Variants in FARP2 observed in about 807,000 individuals in gnomAD.
FARP2 encodes FERM, ARH/RhoGEF and pleckstrin domain protein 2, also known as FERM, ARHGEF and pleckstrin domain-containing protein 2.
Under a neutral mutation model 130.5 loss-of-function variants are expected in FARP2, and 111 were observed. That is an observed-to-expected ratio of 0.85 (90% CI 0.73 to 1.00). The LOEUF (loss-of-function observed/expected upper bound fraction) is 1.00, where lower values mean the gene tolerates loss of function less well. FARP2 is among the 50% of genes least tolerant of loss of function. FARP2 has a pLI of 0.00. For missense variants in FARP2, 1,385 were observed against 1,346.3 expected (o/e 1.03, Z -0.45); for synonymous variants, 504 against 516.9 (o/e 0.98, Z 0.34).
At chr2:241,422,644 C>G (rs554430936) in intron 8 of FARP2, among the ~76,000 whole-genome samples, 1 of 152,094 alleles carries the variant, frequency 6.6e-6, no homozygotes, top group Non-Finnish European at 1.5e-5. Context: ...TTGACAGAAG[C>G]AGGCTTTGGA....
chr2:241,493,025 A>T lies in FARP2; in HGVS notation c.2884A>T (p.Lys962Ter). Reference protein sequence around the residue: ...VFTNFCLFFYKTHQDDYPLAS... With the variant: ...VFTNFCLFFY ...TACCAACTTCTGTTTGTTCTTCTAC[A>T]AAACTCATCAGGTACTGGAGTTTCA... is the stretch of plus-strand genomic sequence containing the variant. The change falls in exon 25 of 27, where the codon AAA becomes TAA. Residue 962 changes from lysine to a stop codon, truncating the protein, a stop_gained. Coordinates refer to ENST00000264042, the MANE Select transcript of FARP2 (RefSeq NM_014808.4). LOFTEE classifies it high-confidence loss of function. 1 of 1,586,978 alleles carries T rather than the reference A, an allele frequency of 6.3e-7. No individual in the cohort carries two copies. The highest frequency in any genetic ancestry group is 1.7e-5 in the Admixed American group (1 of 59,998).
chr2:241,487,271 C>CT (rs1243878256), intron 21 of FARP2, among the ~76,000 whole-genome samples: 1 of 152,220 alleles, frequency 6.6e-6, no homozygotes, highest in East Asian at 1.9e-4. Flanking sequence ...ATATAGGGAA[C>CT]CCAGCAAATG....
At chr2:241,491,812 C>T (rs1446461005) in intron 24 of FARP2, 133 bp downstream of exon 24, 10 of 821,958 alleles carry the variant, frequency 1.2e-5, no homozygotes, top group African/African-American at 1.7e-5. Flanking sequence ...TCTTACTCTC[C>T]CCTTGGTAGA....
chr2:241,449,961 C>A (rs1290672110), intron 13 of FARP2, among the ~76,000 whole-genome samples: 1 of 150,514 alleles, frequency 6.6e-6, no homozygotes, highest in African/African-American at 2.5e-5. Context: ...GAGCTGAGAT[C>A]GCTCCATTGC....
chr2:241,459,994 G>A lies in FARP2; in HGVS notation c.1588-2529G>A, dbSNP rs926993171. ...GCCTCGCCCCTGGAGGAGTGGAGCTGCTCCGGGACTCGAGCATCCTGTTTC... is the reference window on the plus strand; with the variant it reads ...GCCTCGCCCCTGGAGGAGTGGAGCTACTCCGGGACTCGAGCATCCTGTTTC... On this transcript the variant is annotated intron_variant, in intron 14 of 26. Transcript: ENST00000264042. The surrounding 1 kb of genome is among the most constrained non-coding windows in gnomAD (Gnocchi z 5.3). 1.3e-5 allele frequency among the ~76,000 whole-genome samples: 2 copies of A among 152,182 alleles called. No individual in the cohort carries two copies. The highest frequency in any genetic ancestry group is 1.3e-4 in the Admixed American group (2 of 15,284).
At chr2:241,383,974 C>G (rs183100673) in intron 2 of FARP2, among the ~76,000 whole-genome samples, 3 of 152,068 alleles carry the variant, frequency 2.0e-5, no homozygotes, top group Non-Finnish European at 2.9e-5. Flanking sequence ...AGATGCAAGG[C>G]GGCCATTGCT....
At chr2:241,369,427 CCT>C (rs879437491) in intron 1 of FARP2, among the ~76,000 whole-genome samples, 3 of 151,992 alleles carry the variant, frequency 2.0e-5, no homozygotes, top group Non-Finnish European at 4.4e-5. Context: ...AGTGACAGTC[CCT>C]CTCTCCCATC....
At chr2:241,378,429 T>TTTTTTTTTTTTA (rs1575474116) in intron 2 of FARP2, among the ~76,000 whole-genome samples, 5 of 149,450 alleles carry the variant, frequency 3.3e-5, no homozygotes, top group Non-Finnish European at 4.5e-5. Context: ...TTTTTTTTTT[T>TTTTTTTTTTTTA]GAGTCAGGAT....
intron 13 of FARP2, among the ~76,000 whole-genome samples, chr2:241,450,847 GA>G (rs1443282878): frequency 2.6e-5 from 4 of 152,146 alleles, no homozygotes; most frequent in Non-Finnish European, 5.9e-5. Flanking sequence ...CGCTACTTGG[GA>G]GGCTAAGGCC....
chr2:241,414,512 G>A (rs894750702), intron 7 of FARP2, among the ~76,000 whole-genome samples: 16 of 152,230 alleles, frequency 1.1e-4, no homozygotes, highest in African/African-American at 3.9e-4. Context: ...CAAAGTATGA[G>A]TGCCAGCTAT....
intron 14 of FARP2, among the ~76,000 whole-genome samples, chr2:241,457,341 G>T (rs2063877623): frequency 2.0e-5 from 3 of 152,078 alleles, no homozygotes; most frequent in African/African-American, 7.2e-5. Flanking sequence ...TGACAATTGA[G>T]TAACTGGGAG....
At chr2:241,357,717 A>G (rs751152230) in intron 1 of FARP2, among the ~76,000 whole-genome samples, 6 of 152,158 alleles carry the variant, frequency 3.9e-5, no homozygotes, top group Admixed American at 6.6e-5. Flanking sequence ...TTCACTGTTA[A>G]CAAACTAAAT....
In FARP2 at chr2:241,415,181, G is replaced by C. The variant is rs115323277; in HGVS notation, c.623+1760G>C. Among the ~76,000 whole-genome samples, 502 of 152,298 alleles carry C rather than the reference G, an allele frequency of 3.3e-3. 1 individual carries two copies. The highest frequency in any genetic ancestry group is 9.9e-3 in the African/African-American group (411 of 41,566). On this transcript the variant is annotated intron_variant, in intron 7 of 26. Coordinates refer to ENST00000264042, the MANE Select transcript of FARP2 (RefSeq NM_014808.4). Reference sequence around the variant, plus strand: ...CATTTGCCTGACCTGACCTTGAGGAGGCCTCCATGCAGGGCAGTACAGGTA... The same window carrying C: ...CATTTGCCTGACCTGACCTTGAGGACGCCTCCATGCAGGGCAGTACAGGTA...
chr2:241,453,769 GTTTTTTTTTTTTTTT>G (rs1180224982), intron 13 of FARP2, among the ~76,000 whole-genome samples: 9 of 54,054 alleles, frequency 1.7e-4, no homozygotes, highest in East Asian at 6.5e-4. Flanking sequence ...GCACTTACTG[GTTTTTTTTTTTTTTT>G]TTTTTTTTTT....
intron 1 of FARP2, among the ~76,000 whole-genome samples, chr2:241,368,166 T>A (rs187975839): frequency 7.2e-5 from 11 of 152,080 alleles, no homozygotes; most frequent in Non-Finnish European, 1.5e-4. Flanking sequence ...AAGAGCCGAG[T>A]TTGTAGTAGG....
chr2:241,377,635 G>A (rs190231718), intron 2 of FARP2, among the ~76,000 whole-genome samples: 48 of 152,258 alleles, frequency 3.2e-4, no homozygotes, highest in African/African-American at 7.9e-4. Flanking sequence ...GAGCCACTGC[G>A]CCTGGCCATC....
At chr2:241,386,479 C>A (rs1177407671) in intron 2 of FARP2, among the ~76,000 whole-genome samples, 1 of 152,168 alleles carries the variant, frequency 6.6e-6, no homozygotes, top group African/African-American at 2.4e-5. Context: ...GATCTGTCTC[C>A]CCATTCTGTC....
Position 241,468,326 on chromosome 2 carries a change from C to T in FARP2, c.2080C>T (p.Arg694Cys), listed in dbSNP as rs80234134. The T allele has an allele frequency of 1.2e-4, 189 of 1,613,554 alleles. 1 individual carries two copies. In the East Asian group the frequency reaches 2.1e-3, roughly 18 times the overall value. The change falls in exon 18 of 27, where the codon CGC becomes TGC. Residue 694 changes from arginine (R) to cysteine (C), a missense_variant. Coordinates refer to ENST00000264042, the MANE Select transcript of FARP2 (RefSeq NM_014808.4). ...GCTGCACTACCGCCTGCTGCTGCGC[C>T]GCCTATGCGGACATTACAGCCCCGG... ...RLLHYRLLLR[R>C]LCGHYSPGHH...
intron 17 of FARP2, chr2:241,465,524 C>G (rs771390763): frequency 6.4e-7 from 1 of 1,550,566 alleles, no homozygotes; most frequent in South Asian, 1.2e-5. Flanking sequence ...TTTGGATAGG[C>G]AGGGGCAGCA....
Sources: gnomAD v4.1 joint callset for allele counts (sites outside exome capture counted in the v4.1 genomes callset) on GRCh38, gnomAD v4.1.1 for gene constraint, Gnocchi (gnomAD v3.1) non-coding constraint, MANE v1.5 for transcripts, NCBI Gene and HGNC (gene_info 2026-07-23, HGNC 2026-07-21) for gene names.